The following ANKRD28 variants were observed in gnomAD, a reference collection of about 807,000 sequenced individuals.
ANKRD28 encodes the protein serine/threonine-protein phosphatase 6 regulatory ankyrin repeat subunit A.
A neutral mutation model predicts 126.5 loss-of-function variants in ANKRD28; 44 were observed. The ratio of observed to expected loss-of-function variants is 0.35; its 90% CI spans 0.27 to 0.45. ANKRD28 has a LOEUF of 0.45. Among genes scored for constraint, ANKRD28 ranks in the 20% least tolerant of loss-of-function variants. The pLI is 1.00. For missense variants in ANKRD28, 1,110 were observed against 1,316.6 expected, an observed-to-expected ratio of 0.84 and a Z score of 2.43; for synonymous variants, 442 against 468.5, an observed-to-expected ratio of 0.94 and a Z score of 0.73.
chr3:15,763,893 A>T (rs1413788850), intron 3 of ANKRD28, among the ~76,000 whole-genome samples: 1 of 152,206 alleles, frequency 6.6e-6, no homozygotes, highest in Non-Finnish European at 1.5e-5. Context: ...AAATAGCTAC[A>T]TGAGCTATAT....
chr3:15,705,356 C>T (rs2071212879), intron 14 of ANKRD28, among the ~76,000 whole-genome samples: 1 of 152,076 alleles, frequency 6.6e-6, no homozygotes, highest in Non-Finnish European at 1.5e-5. Context: ...AGGTTTAGTG[C>T]ATTTGTCTAA....
chr3:15,814,091 C>T lies in ANKRD28; in HGVS notation c.28-18785G>A, dbSNP rs2060784164. 1 of 208,458 alleles carries T rather than the reference C, an allele frequency of 4.8e-6. No homozygotes were observed. The highest frequency in any genetic ancestry group is 2.4e-5 in the African/African-American group (1 of 42,464). The allele number at this position is 208,458 out of a possible 1,614,324, so 12.9% of individuals were successfully genotyped here. On this transcript the variant is annotated intron_variant, in intron 1 of 27. Coordinates refer to the ANKRD28 transcript ENST00000399451. The surrounding 1 kb of genome is among the most constrained non-coding windows in gnomAD (Gnocchi z 4.7). ...GGGTCCACTACTATAAATGTTTCTA[C>T]AATAAAGGACTTTTTGGCTGACACT...
At chr3:15,713,813 T>C (rs1166053100) in intron 9 of ANKRD28, among the ~76,000 whole-genome samples, 172 bp from the exon 10 acceptor site, 1 of 152,254 alleles carries the variant, frequency 6.6e-6, no homozygotes, top group Non-Finnish European at 1.5e-5. Flanking sequence ...TTATAGCTTT[T>C]ATACTTAAAG....
intron 1 of ANKRD28, 85 bp from the exon 2 acceptor site, chr3:15,795,391 G>T: frequency 1.1e-6 from 1 of 917,456 alleles, no homozygotes; most frequent in Non-Finnish European, 1.7e-6. Context: ...GAATCTACAA[G>T]TTTTCTTCCC....
intron 1 of ANKRD28, among the ~76,000 whole-genome samples, chr3:15,806,299 A>G (rs2125868300): frequency 6.6e-6 from 1 of 152,316 alleles, no homozygotes; most frequent in Non-Finnish European, 1.5e-5. Flanking sequence ...CCCCTATAAG[A>G]ATTGATAATT....
In ANKRD28 at chr3:15,815,937, AAAAAG is replaced by A. The variant is rs34276988; in HGVS notation, c.28-20636_28-20632del. Reference sequence around the variant, plus strand: ...ATTAATTTCTTGAGTACGTCCATTTAAAAAGTTAATGTCTTCCCTGAGTCATGTAT... The same window carrying A: ...ATTAATTTCTTGAGTACGTCCATTTATTAATGTCTTCCCTGAGTCATGTAT... On this transcript the variant is annotated intron_variant, in intron 1 of 27. Transcript: ENST00000399451. The surrounding 1 kb of genome is among the most constrained non-coding windows in gnomAD (Gnocchi z 4.1). Among the ~76,000 whole-genome samples, 2,908 of 152,276 alleles carry A rather than the reference AAAAAG, an allele frequency of 0.019. 94 individuals carry two copies. Among genetic ancestry groups the A allele is most frequent in the African/African-American group, 0.066 (2,726 of 41,526 alleles).
At chr3:15,834,243 G>A (rs931691995) in intron 1 of ANKRD28, among the ~76,000 whole-genome samples, 8 of 152,096 alleles carry the variant, frequency 5.3e-5, no homozygotes, top group African/African-American at 1.7e-4. Flanking sequence ...TGTATATGGT[G>A]AGAGGCATGG....
In ANKRD28 at chr3:15,859,286, G is replaced by A. The variant is rs2061852046; in HGVS notation, c.27+91C>T. On this transcript the variant is annotated intron_variant, in intron 1 of 27. Transcript: ENST00000399451. ...CCGTTTCCCTCGCAACCACCCCGCC[G>A]AGCGGGCGTCCCAGCGGCCCACACC... The A allele has an allele frequency of 1.5e-5, 23 of 1,487,062 alleles. No individual in the cohort carries two copies. The South Asian group carries it at 2.5e-4, about 16-fold the overall frequency. 92.1% of individuals were successfully genotyped at this position (1,487,062 alleles called of 1,614,324 possible).
chr3:15,795,144 G>A (rs2060217263), intron 2 of ANKRD28, 79 bp downstream of exon 2: 1 of 1,040,500 alleles, frequency 9.6e-7, no homozygotes, highest in African/African-American at 1.6e-5. Context: ...ATTATGTCTT[G>A]TAAACAAAAA....
At chr3:15,770,551 A>T (rs1220498480) in intron 2 of ANKRD28, among the ~76,000 whole-genome samples, 2 of 152,170 alleles carry the variant, frequency 1.3e-5, no homozygotes, top group Non-Finnish European at 2.9e-5. Flanking sequence ...GAGGAAAGGC[A>T]GGCATGTGGC....
At chr3:15,858,592 C>A (rs1435581728) in intron 1 of ANKRD28, among the ~76,000 whole-genome samples, 1 of 152,190 alleles carries the variant, frequency 6.6e-6, no homozygotes, top group Non-Finnish European at 1.5e-5. Flanking sequence ...GTTGTCAACA[C>A]TAGTAAGTGT....
Position 15,724,378 on chromosome 3 carries a change from C to A in ANKRD28, c.783+4G>T. ...ATTTTATACTGTTCAATTAATATAC[C>A]TACATCAACTCCAAGATCTAGAAGG... On this transcript the variant is annotated splice_donor_region_variant and intron_variant, in intron 7 of 27. Transcript: ENST00000683139. 1 of 1,600,286 alleles carries A rather than the reference C, an allele frequency of 6.2e-7. No individual in the cohort carries two copies.
rs1032992906 is a variant in ANKRD28, at chr3:15,833,044, A to G, written c.27+26333T>C. ...GATTTTACTAACTTACATTCCCACCAATAGTGTATAGTGTATAAGCATTCC... is the reference window on the plus strand; with the variant it reads ...GATTTTACTAACTTACATTCCCACCGATAGTGTATAGTGTATAAGCATTCC... On this transcript the variant is annotated intron_variant, in intron 1 of 27. Transcript: ENST00000399451. The surrounding 1 kb of genome is among the most constrained non-coding windows in gnomAD (Gnocchi z 4.4). Among the ~76,000 whole-genome samples the G allele has an allele frequency of 6.6e-6, 1 of 152,198 alleles. No individual in the cohort carries two copies. The highest frequency in any genetic ancestry group is 2.4e-5 in the African/African-American group (1 of 41,458).
At chr3:15,752,880 G>T (rs73817104) in intron 3 of ANKRD28, among the ~76,000 whole-genome samples, 3,701 of 152,296 alleles carry the variant, frequency 0.024, 161 homozygotes, top group African/African-American at 0.082. Flanking sequence ...GGGTCCCTAA[G>T]TAGTTGTGTG....
rs1242344512 is a variant in ANKRD28, at chr3:15,838,638, C to T, written c.27+20739G>A. 6.6e-6 allele frequency among the ~76,000 whole-genome samples: 1 copy of T among 151,828 alleles called. No homozygotes were observed. The highest frequency in any genetic ancestry group is 2.4e-5 in the African/African-American group (1 of 41,306). On this transcript the variant is annotated intron_variant, in intron 1 of 27. Coordinates refer to the ANKRD28 transcript ENST00000399451. The surrounding 1 kb of genome is among the most constrained non-coding windows in gnomAD (Gnocchi z 4.0). ...TGGCACATGCCTGTAATCCCAGCTA[C>T]TTGGGAGGCTGAGGCAGGAGAACTA...
intron 1 of ANKRD28, among the ~76,000 whole-genome samples, chr3:15,857,835 C>A (rs1002654446): frequency 1.3e-5 from 2 of 152,296 alleles, no homozygotes; most frequent in African/African-American, 4.8e-5. Flanking sequence ...ACAACTTTGT[C>A]AAAAATGCAG....
chr3:15,783,868 C>A (rs1159824075), intron 2 of ANKRD28, among the ~76,000 whole-genome samples: 1 of 151,854 alleles, frequency 6.6e-6, no homozygotes, highest in Non-Finnish European at 1.5e-5. Context: ...CAAAATATAT[C>A]AAGGCATATC....
In ANKRD28 at chr3:15,686,056, T is replaced by A; in HGVS notation, c.2115A>T (p.Lys705Asn). Residue 705 changes from lysine (K) to asparagine (N), a missense_variant, in exon 20 of 28, where the codon AAA becomes AAT. By Grantham distance (94) the Lys-to-Asn change is moderately conservative. Coordinates refer to ENST00000683139, the MANE Select transcript of ANKRD28 (RefSeq NM_001349278.2). ...HTDCVYSLLNKGANVDAKDKW... is the reference protein window; with the variant it reads ...HTDCVYSLLNNGANVDAKDKW... ...TATCTTTGGCATCTACATTTGCTCC[T>A]TTGTTCAGCAATGAGTAAACACAGT... is the stretch of plus-strand genomic sequence containing the variant. The A allele has an allele frequency of 6.2e-7, 1 of 1,613,816 alleles. No individual in the cohort carries two copies. Among genetic ancestry groups the A allele is most frequent in the African/African-American group, 1.3e-5 (1 of 75,066 alleles).
intron 1 of ANKRD28, among the ~76,000 whole-genome samples, chr3:15,813,474 G>A (rs2060767387): frequency 6.6e-6 from 1 of 152,122 alleles, no homozygotes; most frequent in African/African-American, 2.4e-5. Flanking sequence ...TTTACATCAA[G>A]TCTACTTGAT....
Sources: allele counts gnomAD v4.1 joint callset (sites outside exome capture counted in the v4.1 genomes callset), GRCh38; gene constraint gnomAD v4.1.1; non-coding constraint Gnocchi (gnomAD v3.1); transcripts MANE v1.5; gene names NCBI Gene and HGNC (gene_info 2026-07-23, HGNC 2026-07-21).